The following TRPS1 variants were observed in gnomAD, a reference collection of about 807,000 sequenced individuals.
TRPS1 encodes the protein transcriptional repressor GATA binding 1.
Under a neutral mutation model 101.2 loss-of-function variants are expected in TRPS1, and 6 were observed. The ratio of observed to expected loss-of-function variants is 0.06; its 90% CI spans 0.03 to 0.12. TRPS1 has a LOEUF of 0.12. Ranked by LOEUF, TRPS1 falls within the 10% of genes least tolerant of loss-of-function variation. TRPS1 has a pLI of 1.00. For synonymous variants in TRPS1, 578 were observed against 589.8 expected, an observed-to-expected ratio of 0.98 and a Z score of 0.29; for missense variants, 1,363 against 1,567.0, an observed-to-expected ratio of 0.87 and a Z score of 2.20.
At position 115,578,274 on chromosome 8, in the gene TRPS1, G is replaced by A. The variant is rs549854894; in HGVS notation, c.2700+8727C>T. On this transcript the variant is annotated intron_variant, in intron 5 of 6. Coordinates refer to ENST00000395715, the MANE Select transcript of TRPS1 (RefSeq NM_014112.5). ...AATATTTCTAGGATATTTTTCCCAC[G>A]CATTTTTTATAAGCCAAATTATTTT... is the stretch of plus-strand genomic sequence containing the variant. 4.6e-5 allele frequency among the ~76,000 whole-genome samples: 7 copies of A among 151,848 alleles called. No homozygotes were observed. The East Asian group carries it at 5.8e-4, about 13-fold the overall frequency.
intron 5 of TRPS1, among the ~76,000 whole-genome samples, chr8:115,533,436 G>GTTTTTTTTTTTTTGTTTTTTTTTTTT (rs1816189208): frequency 5.7e-5 from 2 of 35,000 alleles, no homozygotes; most frequent in African/African-American, 2.1e-4. Context: ...CATGTAATCT[G>GTTTTTTTTTTTTTGTTTTTTTTTTTT]TTTTTTTTTT....
chr8:115,657,814 A>C (rs2130622281), intron 1 of TRPS1, among the ~76,000 whole-genome samples: 1 of 152,274 alleles, frequency 6.6e-6, no homozygotes, highest in Middle Eastern at 3.4e-3. Context: ...GAAATGGAAT[A>C]GCAAACTCCT....
Position 115,551,788 on chromosome 8 carries a change from G to A in TRPS1, c.2700+35213C>T, listed in dbSNP as rs75061756. 4.2e-3 allele frequency among the ~76,000 whole-genome samples: 646 copies of A among 152,024 alleles called. 1 individual carries two copies. The highest frequency in any genetic ancestry group is 0.011 in the East Asian group (56 of 5,190). On this transcript the variant is annotated intron_variant, in intron 5 of 6. Coordinates refer to ENST00000395715, the MANE Select transcript of TRPS1 (RefSeq NM_014112.5). Reference sequence around the variant, plus strand: ...TTGGAATAAAATTATGTTCAAAGGCGGAAGTAAAATGCATTTTATAATCTA... The same window carrying A: ...TTGGAATAAAATTATGTTCAAAGGCAGAAGTAAAATGCATTTTATAATCTA...
chr8:115,492,202 G>A (rs1165869421), intron 5 of TRPS1: 1 of 456,072 alleles, frequency 2.2e-6, no homozygotes, highest in African/African-American at 2.0e-5. Context: ...GGCAGAATCA[G>A]AGGGGTGACA....
chr8:115,514,334 G>A (rs1260805878), intron 5 of TRPS1, among the ~76,000 whole-genome samples: 1 of 151,670 alleles, frequency 6.6e-6, no homozygotes, highest in Non-Finnish European at 1.5e-5. Flanking sequence ...TCGGAGCTAC[G>A]CTGAGTTGAA....
At chr8:115,644,273 C>A (rs1472912086) in intron 1 of TRPS1, among the ~76,000 whole-genome samples, 1 of 152,178 alleles carries the variant, frequency 6.6e-6, no homozygotes, top group Non-Finnish European at 1.5e-5. Context: ...TTTAGTGTAG[C>A]CACTTTCATC....
At chr8:115,618,652 T>G (rs1026421287) in intron 3 of TRPS1, among the ~76,000 whole-genome samples, 8 of 152,150 alleles carry the variant, frequency 5.3e-5, no homozygotes, top group Admixed American at 1.3e-4. Flanking sequence ...CAGGACTATC[T>G]CTGCAACCAT....
chr8:115,575,896 G>C (rs991897411), intron 5 of TRPS1, among the ~76,000 whole-genome samples: 16 of 152,088 alleles, frequency 1.1e-4, no homozygotes, highest in African/African-American at 3.9e-4. Flanking sequence ...TGGGATTAGA[G>C]TCTATTCATG....
intron 5 of TRPS1, among the ~76,000 whole-genome samples, chr8:115,449,016 C>G (rs903036220): frequency 6.6e-6 from 1 of 152,178 alleles, no homozygotes. Context: ...ATTCTACTTT[C>G]TAATGAATTT....
chr8:115,571,614 C>G (rs759811938), intron 5 of TRPS1, among the ~76,000 whole-genome samples: 1 of 152,022 alleles, frequency 6.6e-6, no homozygotes, highest in Non-Finnish European at 1.5e-5. Context: ...ACAGTGTTAG[C>G]GATTAAACAA....
chr8:115,554,751 T>C (rs1210350616), intron 5 of TRPS1, among the ~76,000 whole-genome samples: 2 of 151,996 alleles, frequency 1.3e-5, no homozygotes, highest in East Asian at 1.9e-4. Flanking sequence ...GAGATAAGGC[T>C]TCCAAACAGA....
chr8:115,439,217 A>T (rs1813528663), intron 5 of TRPS1, among the ~76,000 whole-genome samples: 1 of 152,208 alleles, frequency 6.6e-6, no homozygotes, highest in Non-Finnish European at 1.5e-5. Context: ...CACCTGCTTT[A>T]GAAAAGGGGC....
intron 5 of TRPS1, among the ~76,000 whole-genome samples, chr8:115,566,267 A>G (rs970698370): frequency 1.3e-5 from 2 of 152,302 alleles, no homozygotes; most frequent in African/African-American, 4.8e-5. Flanking sequence ...GCCTAAAGTC[A>G]CTAAACAGAT....
At chr8:115,568,571 T>C (rs778787913) in intron 5 of TRPS1, among the ~76,000 whole-genome samples, 3 of 152,180 alleles carry the variant, frequency 2.0e-5, no homozygotes, top group Non-Finnish European at 4.4e-5. Context: ...TATTTTATGC[T>C]CTAGTTTCTG....
At chr8:115,603,759 C>G in intron 4 of TRPS1, 114 bp downstream of exon 4, 1 of 1,295,322 alleles carries the variant, frequency 7.7e-7, no homozygotes, top group Non-Finnish European at 1.1e-6. Flanking sequence ...TCTCCTATAA[C>G]TTCCCCAAGT....
intron 1 of TRPS1, among the ~76,000 whole-genome samples, chr8:115,650,242 T>C (rs1211929269): frequency 6.6e-6 from 1 of 152,222 alleles, no homozygotes; most frequent in Admixed American, 6.5e-5. Context: ...TCCAACTATC[T>C]CTTTCAAAGG....
chr8:115,497,896 G>T (rs1447733294), intron 5 of TRPS1, among the ~76,000 whole-genome samples: 1 of 150,062 alleles, frequency 6.7e-6, no homozygotes, highest in African/African-American at 2.5e-5. Flanking sequence ...CAGCAGATTA[G>T]AGGCATCCAA....
chr8:115,581,634 C>T (rs1234839572), intron 5 of TRPS1, among the ~76,000 whole-genome samples: 1 of 151,970 alleles, frequency 6.6e-6, no homozygotes, highest in Non-Finnish European at 1.5e-5. Context: ...ACTAATAAAA[C>T]CAAACTTCTA....
At chr8:115,617,036 T>C (rs1818290912) in intron 3 of TRPS1, among the ~76,000 whole-genome samples, 1 of 152,206 alleles carries the variant, frequency 6.6e-6, no homozygotes. Context: ...GTGCAAAGCA[T>C]TCAAGATTAG....
Sources: allele counts gnomAD v4.1 joint callset (sites outside exome capture counted in the v4.1 genomes callset), GRCh38; gene constraint gnomAD v4.1.1; transcripts MANE v1.5; gene names NCBI Gene and HGNC (gene_info 2026-07-23, HGNC 2026-07-21).